The following PCDH15 variants were observed in gnomAD, a reference collection of about 807,000 sequenced individuals.
PCDH15 encodes the protein protocadherin-15.
In PCDH15, 129 loss-of-function variants were observed where a neutral mutation model predicts 178.5. That is an observed-to-expected ratio of 0.72 (90% confidence interval 0.63 to 0.84). The LOEUF is 0.84. Ranked by LOEUF, PCDH15 falls within the 40% of genes least tolerant of loss-of-function variation. The probability of loss-of-function intolerance (pLI) is 0.00; values close to 1 mark genes in which losing one functional copy is unlikely to be tolerated. For missense variants in PCDH15, 2,230 were observed against 2,099.9 expected (o/e 1.06, Z -1.21); for synonymous variants, 800 against 732.0 (o/e 1.09, Z -1.50).
intron 2 of PCDH15, among the ~76,000 whole-genome samples, chr10:54,977,018 T>C (rs1482023418): frequency 6.6e-6 from 1 of 152,186 alleles, no homozygotes; most frequent in East Asian, 1.9e-4. Flanking sequence ...GTTTCATTTG[T>C]TCAAATAATA....
At chr10:55,147,462 AAT>A (rs1293689631) in intron 2 of PCDH15, among the ~76,000 whole-genome samples, 6 of 151,558 alleles carry the variant, frequency 4.0e-5, no homozygotes, top group Admixed American at 1.3e-4. Context: ...TTTTAAAAAA[AAT>A]TTTTTTGGAA....
intron 2 of PCDH15, among the ~76,000 whole-genome samples, chr10:55,421,254 A>C (rs1241053486): frequency 1.3e-5 from 2 of 151,472 alleles, no homozygotes; most frequent in Non-Finnish European, 3.0e-5. Flanking sequence ...TAAGACCATA[A>C]GATTTACATT....
At chr10:53,952,159 C>T (rs571545595) in intron 23 of PCDH15, among the ~76,000 whole-genome samples, 2 of 152,272 alleles carry the variant, frequency 1.3e-5, no homozygotes, top group African/African-American at 4.8e-5. Flanking sequence ...TCTCATTGCC[C>T]ACAATGTGGC....
chr10:54,494,608 C>A (rs763164783), intron 3 of PCDH15, among the ~76,000 whole-genome samples: 1 of 152,236 alleles, frequency 6.6e-6, no homozygotes, highest in African/African-American at 2.4e-5. Flanking sequence ...TCATGCCACC[C>A]TTTCATGCCA....
At chr10:55,091,863 C>A (rs1842326991) in intron 2 of PCDH15, among the ~76,000 whole-genome samples, 1 of 151,752 alleles carries the variant, frequency 6.6e-6, no homozygotes, top group African/African-American at 2.4e-5. Flanking sequence ...AAACAAAAAA[C>A]ATTTATTAGC....
At chr10:54,849,463 T>C (rs1258138338) in intron 3 of PCDH15, among the ~76,000 whole-genome samples, 1 of 152,224 alleles carries the variant, frequency 6.6e-6, no homozygotes, top group Non-Finnish European at 1.5e-5. Flanking sequence ...TCATAACCCA[T>C]GCACCTACTG....
chr10:55,556,139 C>T (rs1842087340), intron 2 of PCDH15, among the ~76,000 whole-genome samples: 1 of 151,978 alleles, frequency 6.6e-6, no homozygotes, highest in East Asian at 1.9e-4. Context: ...TTTATAATTA[C>T]ACCATAATTT....
chr10:54,492,925 C>T (rs2079740042), intron 3 of PCDH15, among the ~76,000 whole-genome samples: 2 of 152,176 alleles, frequency 1.3e-5, no homozygotes, highest in African/African-American at 2.4e-5. Context: ...GCTGGAGAGG[C>T]CTCACAATAA....
At chr10:54,600,601 T>C (rs2092476640) in intron 2 of PCDH15, 1 of 585,784 alleles carries the variant, frequency 1.7e-6, no homozygotes. Context: ...GAAGAGACCT[T>C]TGAGGAGAAA....
At chr10:54,585,763 G>C (rs956901356) in intron 2 of PCDH15, among the ~76,000 whole-genome samples, 2 of 152,070 alleles carry the variant, frequency 1.3e-5, no homozygotes, top group African/African-American at 4.8e-5. Flanking sequence ...GTTCCCAGAG[G>C]CAAGCTCTTG....
intron 10 of PCDH15, among the ~76,000 whole-genome samples, chr10:54,198,072 A>T (rs1038134602): frequency 1.3e-4 from 20 of 152,194 alleles, no homozygotes; most frequent in African/African-American, 4.8e-4. Context: ...GCTCAGCACT[A>T]AGAAGAACAG....
At chr10:54,183,048 C>G (rs190629593) in intron 13 of PCDH15, among the ~76,000 whole-genome samples, 1 of 151,710 alleles carries the variant, frequency 6.6e-6, no homozygotes, top group Non-Finnish European at 1.5e-5. Context: ...ATGGCATGAT[C>G]TCAGCTCACC....
At chr10:54,513,783 A>T (rs565262376) in intron 3 of PCDH15, among the ~76,000 whole-genome samples, 1 of 152,292 alleles carries the variant, frequency 6.6e-6, no homozygotes, top group East Asian at 1.9e-4. Context: ...TCACTTTCTC[A>T]AAAAACAGTA....
At chr10:53,856,058 T>A (rs1402321152) in intron 28 of PCDH15, among the ~76,000 whole-genome samples, 1 of 151,166 alleles carries the variant, frequency 6.6e-6, no homozygotes, top group Non-Finnish European at 1.5e-5. Flanking sequence ...TTTTCACTCA[T>A]AAGTGGAAAC....
At chr10:55,431,896 T>C (rs186602798) in intron 2 of PCDH15, among the ~76,000 whole-genome samples, 42 of 152,294 alleles carry the variant, frequency 2.8e-4, no homozygotes, top group African/African-American at 9.9e-4. Context: ...GTAACCATTA[T>C]TCTATGTGTG....
intron 2 of PCDH15, among the ~76,000 whole-genome samples, chr10:55,526,620 G>A (rs905231125): frequency 2.0e-5 from 3 of 151,978 alleles, no homozygotes; most frequent in Admixed American, 6.6e-5. Context: ...CTCTACTCGA[G>A]TGCATCTTTG....
At chr10:54,358,671 A>G (rs36141981) in intron 5 of PCDH15, among the ~76,000 whole-genome samples, 42,600 of 151,932 alleles carry the variant, frequency 0.28, 7,514 homozygotes, top group Non-Finnish European at 0.4. Flanking sequence ...GTATATACCC[A>G]AAGGACTAGA....
chr10:54,299,018 T>G (rs1437154816), intron 8 of PCDH15, among the ~76,000 whole-genome samples: 3 of 152,362 alleles, frequency 2.0e-5, no homozygotes, highest in Non-Finnish European at 4.4e-5. Flanking sequence ...CATGCAGTTA[T>G]TGCATGCAGT....
chr10:54,086,631 T>C (rs1465432937), intron 16 of PCDH15, among the ~76,000 whole-genome samples: 1 of 152,118 alleles, frequency 6.6e-6, no homozygotes, highest in Non-Finnish European at 1.5e-5. Context: ...TCTATAAATA[T>C]CAATGAGAAC....
Sources: allele counts gnomAD v4.1 joint callset (sites outside exome capture counted in the v4.1 genomes callset), GRCh38; gene constraint gnomAD v4.1.1; transcripts MANE v1.5; gene names NCBI Gene and HGNC (gene_info 2026-07-23, HGNC 2026-07-21).